RAPGEF4: variants seen among roughly 807,000 people sequenced by gnomAD.
The protein encoded by RAPGEF4 is Rap guanine nucleotide exchange factor 4.
RAPGEF4 carries 66 observed loss-of-function variants against 147.9 expected under a neutral mutation model. The observed-to-expected ratio is 0.45, with a 90% CI of 0.37 to 0.55. The LOEUF (loss-of-function observed/expected upper bound fraction) is 0.55, where lower values mean the gene tolerates loss of function less well. RAPGEF4 is among the 20% of genes least tolerant of loss of function. The pLI, the probability that RAPGEF4 is intolerant of heterozygous loss-of-function variation, is 0.00. For synonymous variants in RAPGEF4, 419 were observed against 442.7 expected, an observed-to-expected ratio of 0.95 and a Z score of 0.67; for missense variants, 1,071 against 1,257.3, an observed-to-expected ratio of 0.85 and a Z score of 2.24.
Position 172,933,402 on chromosome 2 carries a change from A to G in RAPGEF4, c.537+11102A>G, listed in dbSNP as rs532873719. On this transcript the variant is annotated intron_variant, in intron 6 of 30. Coordinates refer to ENST00000397081, the MANE Select transcript of RAPGEF4 (RefSeq NM_007023.4). ...ACGTGGAAGGATGCAACTGCCATCA[A>G]CCGAGGGAGGGAAGGATGAGAGTAG... Among the ~76,000 whole-genome samples, 108 of 152,296 alleles carry G rather than the reference A, an allele frequency of 7.1e-4. 1 individual carries two copies. The highest frequency in any genetic ancestry group is 2.6e-3 in the African/African-American group (107 of 41,554).
intron 6 of RAPGEF4, among the ~76,000 whole-genome samples, chr2:172,951,841 T>C (rs1415928544): frequency 6.6e-6 from 1 of 152,124 alleles, no homozygotes; most frequent in Non-Finnish European, 1.5e-5. Flanking sequence ...CTGATCTATG[T>C]TTTTATAGGA....
At chr2:172,818,163 A>G (rs1037109530) in intron 4 of RAPGEF4, among the ~76,000 whole-genome samples, 2 of 151,736 alleles carry the variant, frequency 1.3e-5, no homozygotes, top group African/African-American at 4.8e-5. Flanking sequence ...AGAATGACAC[A>G]ATGGACTTTG....
intron 4 of RAPGEF4, among the ~76,000 whole-genome samples, chr2:172,838,843 C>T (rs1691254615): frequency 8.9e-6 from 1 of 111,884 alleles, no homozygotes; most frequent in Admixed American, 9.8e-5. Flanking sequence ...TTGCATGAAA[C>T]GCGTTAGAGA....
At chr2:172,922,240 T>A in intron 5 of RAPGEF4, 41 bp from the exon 6 acceptor site, 5 of 1,592,036 alleles carry the variant, frequency 3.1e-6, no homozygotes, top group Non-Finnish European at 4.3e-6. Context: ...CGGTTGATTA[T>A]ACAATTCATG....
At chr2:172,857,809 A>G (rs1413486978) in intron 4 of RAPGEF4, among the ~76,000 whole-genome samples, 2 of 147,040 alleles carry the variant, frequency 1.4e-5, no homozygotes, top group African/African-American at 2.5e-5. Context: ...TGAGCCCTGG[A>G]GAGTCTGAGA....
At chr2:172,983,241 A>T (rs376800490) in intron 10 of RAPGEF4, among the ~76,000 whole-genome samples, 7 of 152,306 alleles carry the variant, frequency 4.6e-5, no homozygotes, top group African/African-American at 1.7e-4. Context: ...ATGTGAGTGG[A>T]GATGCTCTTC....
intron 1 of RAPGEF4, among the ~76,000 whole-genome samples, chr2:172,760,363 C>G (rs1286274317): frequency 1.3e-5 from 2 of 152,100 alleles, no homozygotes; most frequent in Non-Finnish European, 1.5e-5. Context: ...CAAAGAAATA[C>G]AAGAAATAAA....
chr2:172,770,235 G>A (rs1223087503), intron 1 of RAPGEF4, among the ~76,000 whole-genome samples: 2 of 152,162 alleles, frequency 1.3e-5, no homozygotes, highest in Non-Finnish European at 2.9e-5. Flanking sequence ...AGTGGACCCC[G>A]ATTATCTGCC....
rs548132181 is a variant in RAPGEF4 at position 172,835,217 on chromosome 2, G to A, written c.444+20792G>A. 3.3e-5 allele frequency among the ~76,000 whole-genome samples: 5 copies of A among 152,326 alleles called. No individual in the cohort carries two copies. In the East Asian group the frequency reaches 5.8e-4, roughly 18 times the overall value. On this transcript the variant is annotated intron_variant, in intron 4 of 30. Coordinates refer to ENST00000397081, the MANE Select transcript of RAPGEF4 (RefSeq NM_007023.4). ...CATAGTGGTGTCACCTAGCAGCTTT[G>A]ATATGTGAAACAGATGCCACATTCA...
At chr2:172,863,748 C>T (rs540743219) in intron 4 of RAPGEF4, among the ~76,000 whole-genome samples, 1 of 152,236 alleles carries the variant, frequency 6.6e-6, no homozygotes, top group East Asian at 1.9e-4. Context: ...GGTTGTTTTC[C>T]ACAAGTTCAT....
rs149441880 is a variant in RAPGEF4, at chr2:173,041,743, A to G, written c.2853+5051A>G. The stretch of plus-strand genomic sequence containing the variant: ...TCATCTGACACTTTGTCTTCTCTGT[A>G]TCCAGTCCAAGTTGGTGAGACTGAC... On this transcript the variant is annotated intron_variant, in intron 29 of 30. Transcript: ENST00000397081. Among the ~76,000 whole-genome samples, 135 of 152,292 alleles carry G rather than the reference A, an allele frequency of 8.9e-4. No homozygotes were observed. In the South Asian group the frequency reaches 0.016, roughly 18 times the overall value.
At chr2:173,013,525 T>C (rs1695219129) in intron 17 of RAPGEF4, among the ~76,000 whole-genome samples, 1 of 152,240 alleles carries the variant, frequency 6.6e-6, no homozygotes, top group African/African-American at 2.4e-5. Context: ...ACTAATTATC[T>C]ATAATATGAA....
chr2:172,864,236 G>A (rs575568395), intron 4 of RAPGEF4, among the ~76,000 whole-genome samples: 1 of 152,316 alleles, frequency 6.6e-6, no homozygotes, highest in East Asian at 1.9e-4. Flanking sequence ...ACCTGAGGTA[G>A]CTGGGGCAAA....
intron 4 of RAPGEF4, among the ~76,000 whole-genome samples, chr2:172,820,471 A>G: frequency 6.6e-6 from 1 of 152,230 alleles, no homozygotes; most frequent in South Asian, 2.1e-4. Flanking sequence ...TCACTATAAA[A>G]GTGGTTTCTT....
At chr2:172,985,972 T>C (rs1449529499) in intron 12 of RAPGEF4, among the ~76,000 whole-genome samples, 1 of 152,234 alleles carries the variant, frequency 6.6e-6, no homozygotes, top group African/African-American at 2.4e-5. Flanking sequence ...TTTCTTTGCT[T>C]CAAATACATA....
chr2:172,807,380 T>C (rs550750496), intron 3 of RAPGEF4, among the ~76,000 whole-genome samples: 1 of 152,380 alleles, frequency 6.6e-6, no homozygotes, highest in South Asian at 2.1e-4. Flanking sequence ...TTAAGCTTTA[T>C]TGAACATGCT....
intron 4 of RAPGEF4, among the ~76,000 whole-genome samples, chr2:172,882,229 C>T (rs949605807): frequency 1.3e-5 from 2 of 152,226 alleles, no homozygotes; most frequent in South Asian, 2.1e-4. Flanking sequence ...TATCTGATAC[C>T]GTTTCCCCGC....
intron 1 of RAPGEF4, among the ~76,000 whole-genome samples, chr2:172,737,097 A>G (rs1693856633): frequency 6.6e-6 from 1 of 152,252 alleles, no homozygotes; most frequent in African/African-American, 2.4e-5. Context: ...GTTGAAAAAT[A>G]TTAAGTAATT....
At chr2:172,892,206 T>C (rs989112192) in intron 4 of RAPGEF4, among the ~76,000 whole-genome samples, 4 of 152,200 alleles carry the variant, frequency 2.6e-5, no homozygotes, top group African/African-American at 9.7e-5. Flanking sequence ...CCCTGAGAAC[T>C]CTGTCCCTGA....
Sources: gnomAD v4.1 joint callset for allele counts (sites outside exome capture counted in the v4.1 genomes callset) on GRCh38, gnomAD v4.1.1 for gene constraint, MANE v1.5 for transcripts, NCBI Gene and HGNC (gene_info 2026-07-23, HGNC 2026-07-21) for gene names.